SACM1L: variants seen among roughly 807,000 people sequenced by gnomAD.
SACM1L encodes the protein SAC1 like phosphatidylinositide phosphatase, also known as phosphatidylinositol-3-phosphatase SAC1.
A neutral mutation model predicts 89.5 loss-of-function variants in SACM1L; 32 were observed. That is an observed-to-expected ratio of 0.36 (90% CI 0.27 to 0.48). The LOEUF (loss-of-function observed/expected upper bound fraction) is 0.48. SACM1L is among the 20% of genes least tolerant of loss of function. SACM1L has a pLI of 0.99. For missense variants in SACM1L, 543 were observed against 708.5 expected (o/e 0.77, Z 2.65); for synonymous variants, 213 against 232.8 (o/e 0.92, Z 0.77).
At chr3:45,719,397 T>G in intron 7 of SACM1L, 103 bp from the exon 8 acceptor site, 1 of 604,542 alleles carries the variant, frequency 1.7e-6, no homozygotes, top group Non-Finnish European at 2.8e-6. Context: ...ACTCTTGTCA[T>G]TTTTTCTCTT....
chr3:45,701,151 A>T (rs1483696650), intron 1 of SACM1L, among the ~76,000 whole-genome samples: 2 of 147,916 alleles, frequency 1.4e-5, no homozygotes, highest in African/African-American at 2.5e-5. Context: ...CATTTCTTTA[A>T]TTTTTTTTTT....
chr3:45,734,997 G>T, intron 13 of SACM1L: 1 of 407,296 alleles, frequency 2.5e-6, no homozygotes, highest in Non-Finnish European at 4.3e-6. Context: ...TCACATCTTT[G>T]GGGTGAGATG....
chr3:45,690,292 T>C (rs2251954), intron 1 of SACM1L: 73,122 of 152,166 alleles, frequency 0.48, 18,098 homozygotes, highest in Middle Eastern at 0.56. Flanking sequence ...TCCACACTTT[T>C]CTTGTCTGTG....
intron 1 of SACM1L, among the ~76,000 whole-genome samples, chr3:45,702,907 T>G (rs1698308001): frequency 6.6e-6 from 1 of 152,246 alleles, no homozygotes; most frequent in African/African-American, 2.4e-5. Flanking sequence ...AAAAATTTCC[T>G]GGAAATATTT....
intron 9 of SACM1L, 115 bp from the exon 10 acceptor site, chr3:45,722,754 A>G (rs2742448): frequency 0.62 from 404,447 of 650,910 alleles, 129,159 homozygotes; most frequent in Non-Finnish European, 0.66. Flanking sequence ...TTGTCGGTAG[A>G]TTGTATTAGT....
In SACM1L at chr3:45,706,792, T is replaced by C. The variant is rs748259573; in HGVS notation, c.218T>C (p.Ile73Thr). 1.1e-5 allele frequency: 18 copies of C among 1,608,948 alleles called. No individual in the cohort carries two copies. The East Asian group carries it at 2.7e-4, about 24-fold the overall frequency. Residue 73 changes from isoleucine to threonine, a missense_variant, in exon 4 of 20, where the codon ATA becomes ACA. By Grantham distance (89) the Ile-to-Thr change is moderately conservative. Transcript: ENST00000389061. ...TIHLVAGNYL[I>T]VITKKIKVGE... ...TTGCTTTTTGCAGGTAATTATCTTA[T>C]AGTCATTACCAAAAAGATAAAAGTA...
chr3:45,700,532 A>T (rs1355750482), intron 1 of SACM1L, among the ~76,000 whole-genome samples: 1 of 152,226 alleles, frequency 6.6e-6, no homozygotes, highest in East Asian at 1.9e-4. Flanking sequence ...AAACAATGTT[A>T]AAACCCAGTG....
intron 6 of SACM1L, 168 bp from the exon 7 acceptor site, chr3:45,713,878 T>G (rs1397143415): frequency 8.7e-6 from 3 of 345,194 alleles, no homozygotes; most frequent in Admixed American, 4.7e-5. Context: ...CTCAAATGAT[T>G]GTAATGCATA....
At chr3:45,743,509 C>G in intron 19 of SACM1L, 24 bp from the exon 20 acceptor site, 1 of 1,591,086 alleles carries the variant, frequency 6.3e-7, no homozygotes, top group Non-Finnish European at 8.5e-7. Flanking sequence ...ACTTATTTAG[C>G]TTTTTGTTTC....
intron 1 of SACM1L, chr3:45,689,817 C>T: frequency 3.8e-6 from 2 of 520,478 alleles, no homozygotes; most frequent in Non-Finnish European, 6.9e-6. Flanking sequence ...TCCCCACTTT[C>T]TATGCAGAGC....
chr3:45,739,576 G>T lies in SACM1L; in HGVS notation c.1570-11G>T. The T allele has an allele frequency of 6.2e-7, 1 of 1,613,566 alleles. No homozygotes were observed. The highest frequency in any genetic ancestry group is 8.5e-7 in the Non-Finnish European group (1 of 1,179,546). ...TCTTAAATGATGATCTCTTTCTATT[G>T]TCTTTTCCAGTTGCCTATTATCATG... On this transcript the variant is annotated splice_polypyrimidine_tract_variant and intron_variant, in intron 18 of 19. Coordinates refer to ENST00000389061, the MANE Select transcript of SACM1L (RefSeq NM_014016.5).
At chr3:45,697,843 A>G (rs891659711) in intron 1 of SACM1L, among the ~76,000 whole-genome samples, 1 of 152,186 alleles carries the variant, frequency 6.6e-6, no homozygotes, top group African/African-American at 2.4e-5. Context: ...TTTATATAGG[A>G]CCAGAACCCT....
chr3:45,743,637 C>T lies in SACM1L; in HGVS notation c.1732C>T (p.Pro578Ser). ...LYNGKDFVDA[P>S]RLVQKEKID ...CAATGGCAAAGATTTTGTCGATGCT[C>T]CCAGACTGGTCCAGAAAGAAAAGAT... The change falls in exon 20 of 20, where the codon CCC (proline) becomes TCC (serine). Residue 578 changes from proline to serine, a missense_variant. By Grantham distance (74) the Pro-to-Ser change is moderately conservative. Transcript: ENST00000389061. 1 of 1,612,836 alleles carries T rather than the reference C, an allele frequency of 6.2e-7. No individual in the cohort carries two copies. Among genetic ancestry groups the T allele is most frequent in the Non-Finnish European group, 8.5e-7 (1 of 1,179,712 alleles).
intron 19 of SACM1L, chr3:45,742,562 A>G (rs1699338279): frequency 1.3e-5 from 2 of 152,248 alleles, no homozygotes; most frequent in South Asian, 4.1e-4. Flanking sequence ...TTCAAGGAGT[A>G]AAACAAAGTA....
At chr3:45,719,239 C>T (rs766651468) in intron 7 of SACM1L, among the ~76,000 whole-genome samples, 3 of 152,056 alleles carry the variant, frequency 2.0e-5, no homozygotes, top group Non-Finnish European at 4.4e-5. Context: ...TTGAGAATAT[C>T]AGGAAAAGGG....
chr3:45,743,422 C>T (rs957259072), intron 19 of SACM1L, 111 bp from the exon 20 acceptor site: 1 of 1,102,812 alleles, frequency 9.1e-7, no homozygotes, highest in Admixed American at 2.5e-5. Flanking sequence ...TATATTTTTC[C>T]TGTGAATGTG....
chr3:45,710,604 A>G (rs994685046), intron 5 of SACM1L, among the ~76,000 whole-genome samples: 1 of 149,806 alleles, frequency 6.7e-6, no homozygotes, highest in African/African-American at 2.5e-5. Flanking sequence ...GATGATTGCT[A>G]CCTGAATTTT....
intron 14 of SACM1L, among the ~76,000 whole-genome samples, 200 bp downstream of exon 14, chr3:45,735,573 C>T (rs1699179300): frequency 6.6e-6 from 1 of 152,006 alleles, no homozygotes; most frequent in South Asian, 2.1e-4. Context: ...TGCCATTTTC[C>T]CTTAGCATTT....
chr3:45,738,833 A>G lies in SACM1L; in HGVS notation c.1529A>G (p.His510Arg). ...TATTCAGTGGATGAATTAGAATCTC[A>G]TAGTCCTTTAAGTGTTCCAAGGGAC... ...GNYSVDELES[H>R]SPLSVPRDWK... Residue 510 changes from histidine (H) to arginine (R), a missense_variant, in exon 18 of 20, where the codon CAT (histidine) becomes CGT (arginine). Around this residue, in one of 2 missense-constraint regions of SACM1L, gnomAD observed 370 missense variants for 527.6 expected, o/e 0.70. Coordinates refer to ENST00000389061, the MANE Select transcript of SACM1L (RefSeq NM_014016.5). The G allele has an allele frequency of 6.2e-7, 1 of 1,611,272 alleles. No individual in the cohort carries two copies.
Sources: gnomAD v4.1 joint callset for allele counts (sites outside exome capture counted in the v4.1 genomes callset) on GRCh38, gnomAD v4.1.1 for gene constraint, gnomAD v4.1.1 regional missense constraint, MANE v1.5 for transcripts, NCBI Gene and HGNC (gene_info 2026-07-23, HGNC 2026-07-21) for gene names.